Variants in EI24 observed in about 807,000 individuals in gnomAD.
EI24 encodes EI24 autophagy associated transmembrane protein.
Under a neutral mutation model 48.6 loss-of-function variants are expected in EI24, and 21 were observed. That is an observed-to-expected ratio of 0.43 (90% confidence interval 0.31 to 0.62). The LOEUF (loss-of-function observed/expected upper bound fraction) is 0.62, where lower values mean the gene tolerates loss of function less well. EI24 is among the 20% of genes least tolerant of loss of function. The pLI is 0.10. For synonymous variants in EI24, 114 were observed against 145.5 expected, an observed-to-expected ratio of 0.78 and a Z score of 1.56; for missense variants, 280 against 410.5, an observed-to-expected ratio of 0.68 and a Z score of 2.75.
chr11:125,584,338 C>T lies in EI24; in HGVS notation c.*655C>T, dbSNP rs1939147549. 1.3e-5 allele frequency: 2 copies of T among 148,870 alleles called. No homozygotes were observed. 9.2% of individuals were successfully genotyped at this position (148,870 alleles called of 1,614,324 possible). ...TTTTGAGGAGTGATTTTCTTTCTTCCCCTTGAAGGGGAAAAAGCTATTTTC... is the reference window on the plus strand; with the variant it reads ...TTTTGAGGAGTGATTTTCTTTCTTCTCCTTGAAGGGGAAAAAGCTATTTTC... On this transcript the variant is annotated 3_prime_UTR_variant, in exon 11 of 11. Transcript: ENST00000278903.
intron 2 of EI24, 92 bp from the exon 3 acceptor site, chr11:125,575,171 G>T: frequency 8.3e-7 from 1 of 1,210,852 alleles, no homozygotes; most frequent in Non-Finnish European, 1.1e-6. Flanking sequence ...AGGCTGCAGT[G>T]AGCTATGATT....
intron 2 of EI24, among the ~76,000 whole-genome samples, chr11:125,572,915 G>A (rs2135849594): frequency 6.8e-6 from 1 of 147,400 alleles, no homozygotes; most frequent in East Asian, 2.0e-4. Context: ...GTTCCTGTAT[G>A]TCCTTCATCA....
Position 125,578,533 on chromosome 11 carries a change from G to A in EI24, c.441+276G>A, listed in dbSNP as rs573060390. On this transcript the variant is annotated intron_variant, in intron 6 of 10. Coordinates refer to ENST00000278903, the MANE Select transcript of EI24 (RefSeq NM_004879.5). ...ACAGTCTCACTCTGTCGCCCAGGCT[G>A]GAGTGCACTGCAACCTTTGCCTCCC... 1.9e-4 allele frequency among the ~76,000 whole-genome samples: 26 copies of A among 136,822 alleles called. 1 individual carries two copies. The highest frequency in any genetic ancestry group is 6.7e-4 in the African/African-American group (24 of 35,892). The allele number at this position is 136,822 out of a possible 152,430, so 89.8% of individuals were successfully genotyped here.
intron 2 of EI24, chr11:125,573,413 A>G: frequency 5.3e-6 from 1 of 190,402 alleles, no homozygotes; most frequent in Non-Finnish European, 1.2e-5. Flanking sequence ...CAATTCTTGG[A>G]GTGGGGAGGT....
rs1417006122 is a variant in EI24, at chr11:125,583,704, G to T, written c.*21G>T. On this transcript the variant is annotated 3_prime_UTR_variant, in exon 11 of 11. Coordinates refer to ENST00000278903, the MANE Select transcript of EI24 (RefSeq NM_004879.5). ...ACTGAGTTGCCTGCCATCCAAAGGG[G>T]ATGGGCGGGATTGGAAGAAGCTGTG... The T allele has an allele frequency of 1.9e-6, 3 of 1,605,956 alleles. No homozygotes were observed. Among genetic ancestry groups the T allele is most frequent in the Non-Finnish European group, 1.7e-6 (2 of 1,176,144 alleles).
At position 125,580,103 on chromosome 11, in the gene EI24, T is replaced by C. The variant is rs746803273; in HGVS notation, c.572T>C (p.Val191Ala). ...ATATTTGTTCTTCAGGGAATGTTTG[T>C]GAGTCTCTTTCCCATCCATCTTGTC... ...QALFLIQGMF[V>A]SLFPIHLVGQ... The change falls in exon 8 of 11, where the codon GTG (valine) becomes GCG (alanine). Residue 191 changes from valine (V) to alanine (A), a missense_variant. By Grantham distance (64) the Val-to-Ala change is moderately conservative. Transcript: ENST00000278903. The C allele has an allele frequency of 1.9e-6, 3 of 1,612,940 alleles. No homozygotes were observed. In the South Asian group the frequency reaches 3.3e-5, roughly 18 times the overall value.
chr11:125,581,401 C>A, intron 9 of EI24, 79 bp downstream of exon 9: 1 of 857,078 alleles, frequency 1.2e-6, no homozygotes, highest in Non-Finnish European at 1.8e-6. Context: ...TTGCTTCGTT[C>A]TGTTTCGCAT....
chr11:125,583,791 G>T lies in EI24; in HGVS notation c.*108G>T. 6.8e-7 allele frequency: 1 copy of T among 1,465,018 alleles called. No individual in the cohort carries two copies. Among genetic ancestry groups the T allele is most frequent in the Non-Finnish European group, 9.3e-7 (1 of 1,074,928 alleles). 90.8% of individuals were successfully genotyped at this position (1,465,018 alleles called of 1,614,324 possible). ...GAAGGCAGGACCCGCTCTGCCAAGGGCCCTCTGCGTATTCCCTTCTCTCTG... is the reference window on the plus strand; with the variant it reads ...GAAGGCAGGACCCGCTCTGCCAAGGTCCCTCTGCGTATTCCCTTCTCTCTG... On this transcript the variant is annotated 3_prime_UTR_variant, in exon 11 of 11. Transcript: ENST00000278903.
chr11:125,582,239 A>G (rs1343142127), intron 9 of EI24, 107 bp from the exon 10 acceptor site: 7 of 1,033,036 alleles, frequency 6.8e-6, no homozygotes, highest in Admixed American at 2.9e-5. Flanking sequence ...TCATCAAGCC[A>G]TAATGTTTAC....
intron 6 of EI24, 53 bp downstream of exon 6, chr11:125,578,310 G>A: frequency 6.2e-7 from 1 of 1,610,702 alleles, no homozygotes; most frequent in Non-Finnish European, 8.5e-7. Context: ...TGGCTGACAG[G>A]TGACAAGTTT....
chr11:125,575,383 C>A lies in EI24; in HGVS notation c.163C>A (p.Gln55Lys), dbSNP rs868521544. The change falls in exon 3 of 11, where the codon CAG (glutamine) becomes AAG (lysine). Residue 55 changes from glutamine (Q) to lysine (K), a missense_variant. By Grantham distance (53) the Gln-to-Lys change is moderately conservative. Around this residue, in one of 3 missense-constraint regions of EI24, gnomAD observed 204 missense variants for 294.1 expected, o/e 0.69. Transcript: ENST00000278903. ...TAGTGTCTTGGCACAGAGAAGAGCC[C>A]AGAGTATAGAGCGGAAGCAAGAGAG... is the stretch of plus-strand genomic sequence containing the variant. ...ASSVLAQRRA[Q>K]SIERKQESEP... 6.3e-7 allele frequency: 1 copy of A among 1,594,616 alleles called. No homozygotes were observed. The highest frequency in any genetic ancestry group is 2.3e-5 in the East Asian group (1 of 44,110).
intron 10 of EI24, among the ~76,000 whole-genome samples, chr11:125,583,132 G>A (rs1441457552): frequency 2.0e-5 from 3 of 151,812 alleles, no homozygotes; most frequent in African/African-American, 4.8e-5. Flanking sequence ...ACGGAGTCTC[G>A]CTCTGTCACC....
intron 2 of EI24, among the ~76,000 whole-genome samples, chr11:125,574,405 A>C (rs903380598): frequency 1.3e-5 from 2 of 152,194 alleles, no homozygotes; most frequent in South Asian, 4.1e-4. Context: ...TATCTTAGAT[A>C]GTTGGAGTTT....
intron 4 of EI24, 125 bp from the exon 5 acceptor site, chr11:125,577,379 G>A (rs894171294): frequency 1.9e-5 from 17 of 896,164 alleles, no homozygotes; most frequent in African/African-American, 5.0e-5. Context: ...ATGAGCCACC[G>A]CGCCCGGCCT....
chr11:125,576,356 G>T (rs1400283554), intron 4 of EI24, 41 bp downstream of exon 4: 1 of 1,580,384 alleles, frequency 6.3e-7, no homozygotes, highest in Non-Finnish European at 8.7e-7. Context: ...AGCATCTTCA[G>T]ATTGTTGCTG....
chr11:125,573,456 C>A (rs937427954), intron 2 of EI24: 9 of 265,738 alleles, frequency 3.4e-5, no homozygotes, highest in Non-Finnish European at 2.4e-5. Context: ...AAAAGGTTAC[C>A]TTTATGGCCA....
Position 125,583,728 on chromosome 11 carries a change from T to C in EI24, c.*45T>C, listed in dbSNP as rs753744418. On this transcript the variant is annotated 3_prime_UTR_variant, in exon 11 of 11. Transcript: ENST00000278903. ...GGATGGGCGGGATTGGAAGAAGCTG[T>C]GGCAGCTCTTTTCCCTGTTCACCTC... is the stretch of plus-strand genomic sequence containing the variant. 2.5e-6 allele frequency: 4 copies of C among 1,588,420 alleles called. No individual in the cohort carries two copies. The African/African-American group carries it at 4.0e-5, about 16-fold the overall frequency.
chr11:125,572,257 G>A (rs1245075937), intron 1 of EI24, among the ~76,000 whole-genome samples: 2 of 152,068 alleles, frequency 1.3e-5, no homozygotes, highest in Admixed American at 6.6e-5. Context: ...ATGAAAGGGT[G>A]GTGAGTGTTT....
chr11:125,575,217 A>G, intron 2 of EI24, 46 bp from the exon 3 acceptor site: 1 of 1,484,100 alleles, frequency 6.7e-7, no homozygotes, highest in Non-Finnish European at 9.1e-7. Flanking sequence ...ACAAAGCAAG[A>G]CCCTGTCTCA....
Sources: allele counts gnomAD v4.1 joint callset (sites outside exome capture counted in the v4.1 genomes callset), GRCh38; gene constraint gnomAD v4.1.1; regional missense constraint gnomAD v4.1.1; transcripts MANE v1.5; gene names NCBI Gene and HGNC (gene_info 2026-07-23, HGNC 2026-07-21).